The following PARP8 variants were observed in gnomAD, a reference collection of about 807,000 sequenced individuals.
The protein encoded by PARP8 is poly(ADP-ribose) polymerase family member 8.
Under a neutral mutation model 124.1 loss-of-function variants are expected in PARP8, and 51 were observed. The observed-to-expected ratio is 0.41, with a 90% CI of 0.33 to 0.52. The LOEUF (loss-of-function observed/expected upper bound fraction) is 0.52, where lower values mean the gene tolerates loss of function less well. Ranked by LOEUF, PARP8 falls within the 20% of genes least tolerant of loss-of-function variation. PARP8 has a pLI of 0.21. For synonymous variants in PARP8, 391 were observed against 361.5 expected (o/e 1.08, Z -0.93); for missense variants, 860 against 1,018.9 (o/e 0.84, Z 2.12).
Position 50,774,123 on chromosome 5 carries a change from C to T in PARP8, c.519-3946C>T, listed in dbSNP as rs1425202703. On this transcript the variant is annotated intron_variant, in intron 7 of 25. Coordinates refer to ENST00000281631, the MANE Select transcript of PARP8 (RefSeq NM_024615.4). Reference sequence around the variant, plus strand: ...TAATGCATTTAACCCTGAGTTGACACAGCACATGTTTCAGAGAGCAAGGGG... The same window carrying T: ...TAATGCATTTAACCCTGAGTTGACATAGCACATGTTTCAGAGAGCAAGGGG... Among the ~76,000 whole-genome samples, 4 of 152,144 alleles carry T rather than the reference C, an allele frequency of 2.6e-5. No homozygotes were observed. The East Asian group carries it at 5.8e-4, about 22-fold the overall frequency.
chr5:50,762,961 C>CT (rs1170019060), intron 6 of PARP8, among the ~76,000 whole-genome samples, 187 bp from the exon 7 acceptor site: 2 of 152,162 alleles, frequency 1.3e-5, no homozygotes, highest in Non-Finnish European at 2.9e-5. Context: ...TATAAACTAA[C>CT]TTTAAGTTCC....
chr5:50,753,813 AC>A (rs1759519131), intron 3 of PARP8, among the ~76,000 whole-genome samples: 1 of 151,854 alleles, frequency 6.6e-6, no homozygotes, highest in South Asian at 2.1e-4. Flanking sequence ...GAATGACTTG[AC>A]TTAAATGGTG....
chr5:50,698,951 A>G (rs536776323), intron 2 of PARP8, among the ~76,000 whole-genome samples: 10 of 152,332 alleles, frequency 6.6e-5, no homozygotes, highest in African/African-American at 2.4e-4. Context: ...TGTTTTACAA[A>G]AAAGAAAAGT....
chr5:50,785,371 T>C (rs1741131529), intron 9 of PARP8, among the ~76,000 whole-genome samples: 1 of 152,178 alleles, frequency 6.6e-6, no homozygotes, highest in South Asian at 2.1e-4. Context: ...TCTTTCTACA[T>C]ATGTATCATA....
chr5:50,807,483 A>G lies in PARP8; in HGVS notation c.1576-7949A>G, dbSNP rs188640355. On this transcript the variant is annotated intron_variant, in intron 14 of 25. Transcript: ENST00000281631. Reference sequence around the variant, plus strand: ...CATAGTTCTCTCCATTGTGGAATCAACTAGAGTGTTAATGCAGCAAATTGT... The same window carrying G: ...CATAGTTCTCTCCATTGTGGAATCAGCTAGAGTGTTAATGCAGCAAATTGT... Among the ~76,000 whole-genome samples, 454 of 152,222 alleles carry G rather than the reference A, an allele frequency of 3.0e-3. 2 individuals are homozygous for G. The highest frequency in any genetic ancestry group is 5.6e-3 in the Non-Finnish European group (379 of 67,978).
rs115398271 is a variant in PARP8 at position 50,698,779 on chromosome 5, T to A, written c.146+30654T>A. 5.7e-3 allele frequency among the ~76,000 whole-genome samples: 872 copies of A among 152,234 alleles called. 6 individuals are homozygous for A. The highest frequency in any genetic ancestry group is 0.01 in the Non-Finnish European group (692 of 68,002). ...GGGACCAGGAGTTCCTTGAAAGTGT[T>A]CAGGGAAAGGAAAGAAAAGGATTAG... On this transcript the variant is annotated intron_variant, in intron 2 of 25. Transcript: ENST00000281631.
At chr5:50,784,695 T>C (rs1741049319) in intron 9 of PARP8, among the ~76,000 whole-genome samples, 1 of 152,122 alleles carries the variant, frequency 6.6e-6, no homozygotes, top group African/African-American at 2.4e-5. Context: ...AGTTCTTAAC[T>C]TTTCTTATAA....
intron 2 of PARP8, among the ~76,000 whole-genome samples, chr5:50,679,181 A>G (rs1750999131): frequency 6.6e-6 from 1 of 152,208 alleles, no homozygotes; most frequent in Non-Finnish European, 1.5e-5. Flanking sequence ...GCAATAGTGT[A>G]CACTGATCAA....
chr5:50,828,211 A>G (rs991983906), intron 20 of PARP8, 101 bp from the exon 21 acceptor site: 7 of 1,278,656 alleles, frequency 5.5e-6, no homozygotes, highest in African/African-American at 4.4e-5. Flanking sequence ...TGATTTGGCA[A>G]TCCAGAACCT....
intron 9 of PARP8, among the ~76,000 whole-genome samples, chr5:50,784,708 G>T (rs1741050941): frequency 6.6e-6 from 1 of 152,052 alleles, no homozygotes; most frequent in Non-Finnish European, 1.5e-5. Context: ...TCTTATAAAA[G>T]AACATTTGTT....
At chr5:50,827,334 A>G (rs764913591) in intron 19 of PARP8, among the ~76,000 whole-genome samples, 2 of 152,140 alleles carry the variant, frequency 1.3e-5, no homozygotes, top group African/African-American at 2.4e-5. Context: ...ATTCCTATGC[A>G]TTATATTCCT....
At chr5:50,779,934 T>C (rs1331499500) in intron 9 of PARP8, among the ~76,000 whole-genome samples, 9 of 152,190 alleles carry the variant, frequency 5.9e-5, no homozygotes, top group Admixed American at 4.6e-4. Context: ...AAATTACATA[T>C]TCTAACTGAT....
At chr5:50,782,140 G>A (rs1253745297) in intron 9 of PARP8, among the ~76,000 whole-genome samples, 1 of 152,164 alleles carries the variant, frequency 6.6e-6, no homozygotes, top group Admixed American at 6.5e-5. Flanking sequence ...ACCAGCAGTG[G>A]TTGACTTTTA....
chr5:50,845,053 A>G lies in PARP8; in HGVS notation c.*2985A>G, dbSNP rs1297656650. ...ATTGTAAAAGTTACCGTTAAATACT[A>G]TGTAGTATAAAAAACCAACCCAAGC... On this transcript the variant is annotated 3_prime_UTR_variant, in exon 26 of 26. Transcript: ENST00000281631. 9 of 151,426 alleles carry G rather than the reference A, an allele frequency of 5.9e-5. No individual in the cohort carries two copies. The highest frequency in any genetic ancestry group is 4.4e-5 in the Non-Finnish European group (3 of 67,686). The allele number at this position is 151,426 out of a possible 1,614,324, so 9.4% of individuals were successfully genotyped here.
At chr5:50,729,568 T>C (rs1486526102) in intron 2 of PARP8, among the ~76,000 whole-genome samples, 3 of 152,210 alleles carry the variant, frequency 2.0e-5, no homozygotes, top group Non-Finnish European at 4.4e-5. Context: ...GTCCATTTTG[T>C]AACTCTAGGT....
chr5:50,672,322 C>T (rs942327120), intron 2 of PARP8, among the ~76,000 whole-genome samples: 1 of 152,194 alleles, frequency 6.6e-6, no homozygotes, highest in African/African-American at 2.4e-5. Context: ...TTCCCCAGCC[C>T]CTAGCACACT....
chr5:50,775,530 C>T (rs1014307910), intron 7 of PARP8, among the ~76,000 whole-genome samples: 31 of 152,078 alleles, frequency 2.0e-4, no homozygotes, highest in Admixed American at 1.4e-3. Flanking sequence ...GGTCCAACCT[C>T]GGCAACAGAG....
At chr5:50,667,630 CG>C in intron 1 of PARP8, 3 of 699,064 alleles carry the variant, frequency 4.3e-6, no homozygotes, top group Non-Finnish European at 7.8e-6. Context: ...CGAGGACCCC[CG>C]GGGGGCAGCG....
chr5:50,828,309 T>C lies in PARP8; in HGVS notation c.2091-3T>C. On this transcript the variant is annotated splice_region_variant and splice_polypyrimidine_tract_variant and intron_variant, in intron 20 of 25. Coordinates refer to ENST00000281631, the MANE Select transcript of PARP8 (RefSeq NM_024615.4). ...GCTTTTTCCTTTCCGTCTGTTTTTT[T>C]AGTGGCTCACACATTGAAAACTGGC... The C allele has an allele frequency of 1.9e-6, 3 of 1,612,890 alleles. No individual in the cohort carries two copies. Among genetic ancestry groups the C allele is most frequent in the Non-Finnish European group, 2.5e-6 (3 of 1,179,416 alleles).
Sources: allele counts gnomAD v4.1 joint callset (sites outside exome capture counted in the v4.1 genomes callset), GRCh38; gene constraint gnomAD v4.1.1; transcripts MANE v1.5; gene names NCBI Gene and HGNC (gene_info 2026-07-23, HGNC 2026-07-21).